Variants in SERTAD3 observed in about 807,000 individuals in gnomAD.
SERTAD3 encodes SERTA domain-containing protein 3.
SERTAD3 carries 6 observed loss-of-function variants against 11.9 expected under a neutral mutation model. The ratio of observed to expected loss-of-function variants is 0.50; its 90% CI spans 0.28 to 0.99. The LOEUF is 0.99. Ranked by LOEUF, SERTAD3 falls within the 50% of genes least tolerant of loss-of-function variation. SERTAD3 has a pLI of 0.11. For synonymous variants in SERTAD3, 101 were observed against 98.9 expected (o/e 1.02, Z -0.13); for missense variants, 261 against 240.9 (o/e 1.08, Z -0.55).
chr19:40,442,158 C>A, intron 1 of SERTAD3, 72 bp from the exon 2 acceptor site: 1 of 886,752 alleles, frequency 1.1e-6, no homozygotes, highest in South Asian at 3.3e-5. Context: ...ATCCCACTTT[C>A]TCAGGCCTAT....
Position 40,440,885 on chromosome 19 carries a change from C to CAAAAA in SERTAD3, c.*604_*605insTTTTT, listed in dbSNP as rs2079669309. The CAAAAA allele has an allele frequency of 1.1e-5, 1 of 89,136 alleles. No individual in the cohort carries two copies. Among genetic ancestry groups the CAAAAA allele is most frequent in the African/African-American group, 5.9e-5 (1 of 16,820 alleles). 5.5% of individuals were successfully genotyped at this position (89,136 alleles called of 1,614,324 possible). A position where few individuals can be genotyped will look rare whatever the true frequency, so the allele number is the denominator to read the frequency against. On this transcript the variant is annotated 3_prime_UTR_variant, in exon 2 of 2. Coordinates refer to ENST00000322354, the MANE Select transcript of SERTAD3 (RefSeq NM_203344.3). ...TTTATTTAAAAAAATTACAAACAAT[C>CAAAAA]CAAAAAAAAAAAAAAAAGCCACCAC...
In SERTAD3 at chr19:40,441,171, C is replaced by G. The variant is rs1229560876; in HGVS notation, c.*319G>C. 9.5e-6 allele frequency: 2 copies of G among 210,104 alleles called. No individual in the cohort carries two copies. The highest frequency in any genetic ancestry group is 1.9e-4 in the South Asian group (2 of 10,684). 13.0% of individuals were successfully genotyped at this position (210,104 alleles called of 1,614,324 possible). Reference sequence around the variant, plus strand: ...CCAGCTTTCTTTATCTTCCCTGAGGCCCCAGTGGTCACAGGGGAGTGGGAA... The same window carrying G: ...CCAGCTTTCTTTATCTTCCCTGAGGGCCCAGTGGTCACAGGGGAGTGGGAA... On this transcript the variant is annotated 3_prime_UTR_variant, in exon 2 of 2. Transcript: ENST00000322354.
In SERTAD3 at chr19:40,442,096, G is replaced by A; in HGVS notation, c.-6-10C>T. ...CTCCCACCATGATGCCCTGTAGAGA[G>A]AAGAGGCGCATAGGGGAAGGTCAGA... On this transcript the variant is annotated splice_polypyrimidine_tract_variant and intron_variant, in intron 1 of 1. Coordinates refer to ENST00000322354, the MANE Select transcript of SERTAD3 (RefSeq NM_203344.3). 7.0e-7 allele frequency: 1 copy of A among 1,431,772 alleles called. No individual in the cohort carries two copies. The highest frequency in any genetic ancestry group is 9.2e-7 in the Non-Finnish European group (1 of 1,087,064). 88.7% of individuals were successfully genotyped at this position (1,431,772 alleles called of 1,614,324 possible). A position where few individuals can be genotyped will look rare whatever the true frequency, so the allele number is the denominator to read the frequency against.
chr19:40,442,844 T>TACC (rs971679314), intron 1 of SERTAD3, among the ~76,000 whole-genome samples: 17 of 152,132 alleles, frequency 1.1e-4, no homozygotes, highest in Non-Finnish European at 2.2e-4. Context: ...TAGCTGGGAT[T>TACC]ACCACCACAC....
chr19:40,442,686 A>C (rs1244837040), intron 1 of SERTAD3: 4 of 152,270 alleles, frequency 2.6e-5, no homozygotes, highest in Admixed American at 6.6e-5. Flanking sequence ...CCACACCGGA[A>C]GTGCTTAATG....
At chr19:40,443,333 C>G (rs1021404583) in intron 1 of SERTAD3, 1 of 152,276 alleles carries the variant, frequency 6.6e-6, no homozygotes, top group Admixed American at 6.5e-5. Context: ...CGAGCCACCC[C>G]CCTCACCCCG....
intron 1 of SERTAD3, chr19:40,443,589 C>T (rs1208438628): frequency 6.5e-6 from 1 of 153,698 alleles, no homozygotes; most frequent in Non-Finnish European, 1.5e-5. Flanking sequence ...AGACCCAGAT[C>T]CGAACACATC....
rs1473145025 is a variant in SERTAD3 at position 40,441,524 on chromosome 19, A to C, written c.557T>G (p.Leu186Arg). ...CAGAATGATTTCCATGATGTGATCC[A>C]GTTCATTCCACTCCCAAGAACCTGG... is the stretch of plus-strand genomic sequence containing the variant. ...CAPGSWEWNE[L>R]DHIMEIILGS The change falls in exon 2 of 2, where the codon CTG becomes CGG. Residue 186 changes from leucine to arginine, a missense_variant. By Grantham distance (102) the Leu-to-Arg change is moderately radical (BLOSUM62 -2). Transcript: ENST00000322354. 1.9e-6 allele frequency: 3 copies of C among 1,612,876 alleles called. No individual in the cohort carries two copies. The highest frequency in any genetic ancestry group is 2.5e-6 in the Non-Finnish European group (3 of 1,179,636).
In SERTAD3 at chr19:40,441,817, ATCC is replaced by A; in HGVS notation, c.261_263del (p.Glu87del). The stretch of plus-strand genomic sequence containing the variant: ...AGCCAATGGTGGCTGACAGGGAGAA[ATCC>A]TCCTCGCCCAGGAAGAGGGGCTCGG... On this transcript the variant is annotated inframe_deletion, in exon 2 of 2. Transcript: ENST00000322354. 1 of 1,591,162 alleles carries A rather than the reference ATCC, an allele frequency of 6.3e-7. No individual in the cohort carries two copies.
At chr19:40,443,015 C>T (rs1417349821) in intron 1 of SERTAD3, among the ~76,000 whole-genome samples, 2 of 151,714 alleles carry the variant, frequency 1.3e-5, no homozygotes, top group African/African-American at 4.8e-5. Context: ...CGACTGGGAG[C>T]GCTCCCAAGA....
At position 40,441,843 on chromosome 19, in the gene SERTAD3, C is replaced by G. The variant is rs142605238; in HGVS notation, c.238G>C (p.Glu80Gln). Residue 80 changes from glutamate (E) to glutamine (Q), a missense_variant, in exon 2 of 2, where the codon GAG becomes CAG. Coordinates refer to ENST00000322354, the MANE Select transcript of SERTAD3 (RefSeq NM_203344.3). ...RLAPAPALPP[E>Q]PLFLGEEDFS... ...TCCTCCTCGCCCAGGAAGAGGGGCT[C>G]GGGGGGCAGGGCAGGGGCGGGAGCC... 5 of 1,530,632 alleles carry G rather than the reference C, an allele frequency of 3.3e-6. No homozygotes were observed. Among genetic ancestry groups the G allele is most frequent in the Non-Finnish European group, 3.5e-6 (4 of 1,133,112 alleles). The allele number at this position is 1,530,632 out of a possible 1,614,324, so 94.8% of individuals were successfully genotyped here.
chr19:40,441,814 G>A lies in SERTAD3; in HGVS notation c.267C>T (p.Phe89=). 1.9e-6 allele frequency: 3 copies of A among 1,592,718 alleles called. No individual in the cohort carries two copies. Among genetic ancestry groups the A allele is most frequent in the East Asian group, 4.5e-5 (2 of 44,562 alleles). Reference sequence around the variant, plus strand: ...TAGAGCCAATGGTGGCTGACAGGGAGAAATCCTCCTCGCCCAGGAAGAGGG... The same window carrying A: ...TAGAGCCAATGGTGGCTGACAGGGAAAAATCCTCCTCGCCCAGGAAGAGGG... ...PEPLFLGEED[F]SLSATIGSIL... is the part of the protein sequence containing the mutation. Residue 89 remains phenylalanine (F), a synonymous_variant, in exon 2 of 2, where the codon TTC becomes TTT. Transcript: ENST00000322354.
rs772870838 is a variant in SERTAD3 at position 40,441,498 on chromosome 19, C to A, written c.583G>T (p.Gly195Trp). The A allele has an allele frequency of 6.2e-7, 1 of 1,605,472 alleles. No individual in the cohort carries two copies. The highest frequency in any genetic ancestry group is 1.1e-5 in the South Asian group (1 of 90,116). The change falls in exon 2 of 2, where the codon GGG (glycine) becomes TGG (tryptophan). Residue 195 changes from glycine (G) to tryptophan (W), a missense_variant. Physicochemically the swap from Gly to Trp is radical, Grantham distance 184. Transcript: ENST00000322354. ...ELDHIMEIIL[G>W]S ...TCCCCTCTATCACAGTTTTAGGACC[C>A]CAGAATGATTTCCATGATGTGATCC...
intron 1 of SERTAD3, chr19:40,443,317 A>C (rs1002944000): frequency 6.6e-6 from 1 of 150,758 alleles, no homozygotes; most frequent in Non-Finnish European, 1.5e-5. Flanking sequence ...CCGCCCGTCC[A>C]GGGGACGAGC....
Position 40,441,595 on chromosome 19 carries a change from C to T in SERTAD3, c.486G>A (p.Glu162=). The part of the protein sequence containing the change: ...LDIDTSAVEK[E]PARAPPEPPH... ...GAGGCTCTGGTGGGGCCCGTGCAGG[C>T]TCCTTTTCTACCGCAGATGTGTCAA... The change falls in exon 2 of 2, where the codon GAG becomes GAA. Residue 162 remains glutamate, a synonymous_variant. Transcript: ENST00000322354. 6.2e-7 allele frequency: 1 copy of T among 1,614,196 alleles called. No homozygotes were observed. The highest frequency in any genetic ancestry group is 8.5e-7 in the Non-Finnish European group (1 of 1,180,036).
rs1187267531 is a variant in SERTAD3, at chr19:40,441,325, GACAC to G, written c.*161_*164del. ...CCTTCACAGAAGGTCGGGGTAACCA[GACAC>G]ACACACACATGCAAGACAGTTTGTG... is the stretch of plus-strand genomic sequence containing the variant. On this transcript the variant is annotated 3_prime_UTR_variant, in exon 2 of 2. Transcript: ENST00000322354. 2 of 594,966 alleles carry G rather than the reference GACAC, an allele frequency of 3.4e-6. No individual in the cohort carries two copies. The highest frequency in any genetic ancestry group is 1.9e-5 in the African/African-American group (1 of 52,980). 36.9% of individuals were successfully genotyped at this position (594,966 alleles called of 1,614,324 possible). A position where few individuals can be genotyped will look rare whatever the true frequency, so the allele number is the denominator to read the frequency against.
At chr19:40,442,127 G>C in intron 1 of SERTAD3, 41 bp from the exon 2 acceptor site, 1 of 1,277,926 alleles carries the variant, frequency 7.8e-7, no homozygotes, top group Non-Finnish European at 1.0e-6. Flanking sequence ...TCAGACACCA[G>C]ACACCGTAGT....
rs753922176 is a variant in SERTAD3 at position 40,441,647 on chromosome 19, G to C, written c.434C>G (p.Ser145Cys). The change falls in exon 2 of 2, where the codon TCT (serine) becomes TGT (cysteine). Residue 145 changes from serine to cysteine, a missense_variant. By Grantham distance (112) the Ser-to-Cys change is moderately radical. Transcript: ENST00000322354. ...GTCCAGAAAGAAGTCATCCAGGCCAGAGTCCCCCAAGTACCGGGAGCTCAG... is the reference window on the plus strand; with the variant it reads ...GTCCAGAAAGAAGTCATCCAGGCCACAGTCCCCCAAGTACCGGGAGCTCAG... ...EALSSRYLGD[S>C]GLDDFFLDID... 5.6e-6 allele frequency: 9 copies of C among 1,614,106 alleles called. No homozygotes were observed. The highest frequency in any genetic ancestry group is 8.5e-7 in the Non-Finnish European group (1 of 1,180,044).
intron 1 of SERTAD3, among the ~76,000 whole-genome samples, chr19:40,443,206 G>A (rs1291156766): frequency 1.3e-5 from 2 of 151,964 alleles, no homozygotes; most frequent in Non-Finnish European, 2.9e-5. Flanking sequence ...AGAGCATCCA[G>A]GAACGCCCCA....
Sources: allele counts gnomAD v4.1 joint callset (sites outside exome capture counted in the v4.1 genomes callset), GRCh38; gene constraint gnomAD v4.1.1; transcripts MANE v1.5; gene names NCBI Gene and HGNC (gene_info 2026-07-23, HGNC 2026-07-21).